The following GALNTL6 variants were observed in gnomAD, a reference collection of about 807,000 sequenced individuals.
GALNTL6 encodes the protein polypeptide N-acetylgalactosaminyltransferase-like 6.
In GALNTL6, 46 loss-of-function variants were observed where a neutral mutation model predicts 73.7. The ratio of observed to expected loss-of-function variants is 0.62; its 90% confidence interval spans 0.49 to 0.80. GALNTL6 has a LOEUF of 0.80. Ranked by LOEUF, GALNTL6 falls within the 30% of genes least tolerant of loss-of-function variation. The pLI, the probability that GALNTL6 is intolerant of heterozygous loss-of-function variation, is 0.00. For synonymous variants in GALNTL6, 259 were observed against 263.7 expected (o/e 0.98, Z 0.17); for missense variants, 604 against 755.0 (o/e 0.80, Z 2.34).
At chr4:172,574,793 C>T (rs1367421928) in intron 5 of GALNTL6, among the ~76,000 whole-genome samples, 1 of 151,760 alleles carries the variant, frequency 6.6e-6, no homozygotes, top group African/African-American at 2.4e-5. Context: ...TATATAATTC[C>T]TTTGAATTTT....
intron 2 of GALNTL6, among the ~76,000 whole-genome samples, chr4:172,203,202 TA>T (rs1277709925): frequency 6.6e-6 from 1 of 152,184 alleles, no homozygotes; most frequent in African/African-American, 2.4e-5. Context: ...CATATAGCTA[TA>T]TTGGTTATGT....
chr4:172,036,041 G>T (rs1191433357), intron 2 of GALNTL6, among the ~76,000 whole-genome samples: 1 of 152,000 alleles, frequency 6.6e-6, no homozygotes. Flanking sequence ...GTTAACCCCA[G>T]ACATTTAATA....
chr4:171,953,765 A>G (rs1738959971), intron 2 of GALNTL6, among the ~76,000 whole-genome samples: 1 of 152,184 alleles, frequency 6.6e-6, no homozygotes, highest in Non-Finnish European at 1.5e-5. Flanking sequence ...TCAAGAGTAT[A>G]TATTTTTATA....
chr4:171,941,348 T>C (rs1738538893), intron 2 of GALNTL6, among the ~76,000 whole-genome samples: 1 of 152,228 alleles, frequency 6.6e-6, no homozygotes, highest in Non-Finnish European at 1.5e-5. Flanking sequence ...TATGCAATAC[T>C]AGGAAACCAT....
chr4:172,577,999 C>A (rs554888350), intron 5 of GALNTL6, among the ~76,000 whole-genome samples: 2 of 152,224 alleles, frequency 1.3e-5, no homozygotes, highest in South Asian at 2.1e-4. Context: ...AATCACCAGG[C>A]CTTGTGATTT....
intron 4 of GALNTL6, among the ~76,000 whole-genome samples, chr4:172,345,478 A>G (rs986603360): frequency 7.2e-5 from 11 of 152,200 alleles, no homozygotes; most frequent in African/African-American, 2.4e-4. Flanking sequence ...AGAAGTAATG[A>G]AATGCATGTG....
At chr4:172,269,657 TAA>T (rs928822157) in intron 3 of GALNTL6, among the ~76,000 whole-genome samples, 7 of 152,218 alleles carry the variant, frequency 4.6e-5, no homozygotes, top group Non-Finnish European at 1.5e-5. Context: ...TTGGAATACA[TAA>T]GTTTGTTTAA....
rs547968455 is a variant in GALNTL6 at position 171,996,850 on chromosome 4, A to G, written c.138+182132A>G. On this transcript the variant is annotated intron_variant, in intron 2 of 12. Coordinates refer to ENST00000506823, the MANE Select transcript of GALNTL6 (RefSeq NM_001034845.3). Reference sequence around the variant, plus strand: ...CACGGGTTGAACAAGCTTGCTTTAAAGTAATAGCATAGTGCCTAATAAACA... The same window carrying G: ...CACGGGTTGAACAAGCTTGCTTTAAGGTAATAGCATAGTGCCTAATAAACA... Among the ~76,000 whole-genome samples the G allele has an allele frequency of 2.8e-3, 428 of 152,220 alleles. 1 individual carries two copies. The highest frequency in any genetic ancestry group is 0.01 in the African/African-American group (418 of 41,542).
Position 172,311,793 on chromosome 4 carries a change from G to GT in GALNTL6, c.386+49dup, listed in dbSNP as rs199949837. On this transcript the variant is annotated intron_variant, in intron 4 of 12. Transcript: ENST00000506823. ...TCAGTGATCAGGGTGGGTTTTTTTG[G>GT]TTTTTTTTGTCCTTTGATTTTTTTT... 3,744 of 1,394,958 alleles carry GT rather than the reference G, an allele frequency of 2.7e-3. 44 individuals are homozygous for GT. Among genetic ancestry groups the GT allele is most frequent in the South Asian group, 0.019 (1,063 of 56,986 alleles). 86.4% of individuals were successfully genotyped at this position (1,394,958 alleles called of 1,614,324 possible).
At chr4:172,938,974 T>C (rs1271134627) in intron 9 of GALNTL6, among the ~76,000 whole-genome samples, 1 of 152,228 alleles carries the variant, frequency 6.6e-6, no homozygotes, top group Admixed American at 6.5e-5. Context: ...TGCAATTATA[T>C]GTTTGCTTCT....
At chr4:172,763,636 C>T (rs1029847461) in intron 5 of GALNTL6, among the ~76,000 whole-genome samples, 1 of 152,218 alleles carries the variant, frequency 6.6e-6, no homozygotes, top group African/African-American at 2.4e-5. Context: ...GGCATCGTAT[C>T]TATGGAGCTT....
intron 2 of GALNTL6, among the ~76,000 whole-genome samples, chr4:171,948,347 C>A (rs929695591): frequency 1.3e-5 from 2 of 152,118 alleles, no homozygotes; most frequent in Non-Finnish European, 2.9e-5. Context: ...CCATTCTAAA[C>A]TGTAATAAGT....
chr4:172,457,927 C>T (rs1178922809), intron 5 of GALNTL6, among the ~76,000 whole-genome samples: 8 of 152,106 alleles, frequency 5.3e-5, no homozygotes, highest in Admixed American at 1.3e-4. Context: ...AGCATCACAT[C>T]GCACTTATTC....
intron 2 of GALNTL6, among the ~76,000 whole-genome samples, chr4:172,073,633 T>G (rs1039625): frequency 0.88 from 134,440 of 152,150 alleles, 59,698 homozygotes; most frequent in Non-Finnish European, 0.93. Flanking sequence ...AAGGAATTTT[T>G]ATTGATTCTC....
intron 2 of GALNTL6, among the ~76,000 whole-genome samples, chr4:172,109,658 T>C (rs1158111065): frequency 6.6e-6 from 1 of 152,220 alleles, no homozygotes; most frequent in Non-Finnish European, 1.5e-5. Flanking sequence ...TTATGAAGAA[T>C]AAATGGCTCT....
intron 2 of GALNTL6, among the ~76,000 whole-genome samples, chr4:172,161,638 A>G (rs925460821): frequency 1.3e-5 from 2 of 152,058 alleles, no homozygotes; most frequent in African/African-American, 2.4e-5. Flanking sequence ...AGAGTCAAGA[A>G]AAGTTTATAA....
chr4:172,381,032 C>CT (rs1743265772), intron 5 of GALNTL6, among the ~76,000 whole-genome samples: 1 of 152,224 alleles, frequency 6.6e-6, no homozygotes, highest in Admixed American at 6.5e-5. Context: ...CAGCTGCCCT[C>CT]TATCAGGCAA....
intron 4 of GALNTL6, among the ~76,000 whole-genome samples, chr4:172,312,934 C>G (rs769425434): frequency 1.3e-5 from 2 of 151,988 alleles, no homozygotes; most frequent in Admixed American, 6.6e-5. Context: ...TGACCCAGGC[C>G]TTTTAACCAG....
intron 2 of GALNTL6, among the ~76,000 whole-genome samples, chr4:172,136,678 A>T (rs1733646061): frequency 6.6e-6 from 1 of 151,692 alleles, no homozygotes; most frequent in Non-Finnish European, 1.5e-5. Flanking sequence ...ATTATTTTAT[A>T]ATTGAGAAAA....
Sources: gnomAD v4.1 joint callset for allele counts (sites outside exome capture counted in the v4.1 genomes callset) on GRCh38, gnomAD v4.1.1 for gene constraint, MANE v1.5 for transcripts, NCBI Gene and HGNC (gene_info 2026-07-23, HGNC 2026-07-21) for gene names.